ST7: variants seen among roughly 807,000 people sequenced by gnomAD.
The protein encoded by ST7 is suppressor of tumorigenicity 7 protein.
ST7 carries 28 observed loss-of-function variants against 78.7 expected under a neutral mutation model. That is an observed-to-expected ratio of 0.36 (90% confidence interval 0.26 to 0.49). ST7 has a LOEUF of 0.49. ST7 is among the 20% of genes least tolerant of loss of function. The pLI is 0.99. For missense variants in ST7, 418 were observed against 696.0 expected, an observed-to-expected ratio of 0.60 and a Z score of 4.49; for synonymous variants, 247 against 249.6, an observed-to-expected ratio of 0.99 and a Z score of 0.10.
At chr7:117,121,572 T>C (rs1015996217) in intron 3 of ST7, among the ~76,000 whole-genome samples, 1 of 152,172 alleles carries the variant, frequency 6.6e-6, no homozygotes, top group Admixed American at 6.5e-5. Context: ...TAATGTGGCT[T>C]TTTAAATTTC....
At chr7:117,152,070 G>T (rs1003145486) in intron 9 of ST7, among the ~76,000 whole-genome samples, 4 of 149,650 alleles carry the variant, frequency 2.7e-5, no homozygotes, top group Non-Finnish European at 5.9e-5. Context: ...AGTGAGCCGA[G>T]ATCATGCCAT....
intron 2 of ST7, among the ~76,000 whole-genome samples, chr7:117,114,757 A>G (rs1802722753): frequency 6.6e-6 from 1 of 152,210 alleles, no homozygotes; most frequent in East Asian, 1.9e-4. Context: ...TATGCAATTC[A>G]AAAGAAGAGG....
At chr7:117,002,872 G>GGA (rs1795002033) in intron 1 of ST7, among the ~76,000 whole-genome samples, 1 of 113,748 alleles carries the variant, frequency 8.8e-6, no homozygotes, top group African/African-American at 3.5e-5. Flanking sequence ...TGCCCAGGCT[G>GGA]GAGTGCAAGG....
At chr7:117,200,432 T>C (rs1810712162) in intron 12 of ST7, among the ~76,000 whole-genome samples, 1 of 152,110 alleles carries the variant, frequency 6.6e-6, no homozygotes, top group African/African-American at 2.4e-5. Flanking sequence ...TTCCTTAGCA[T>C]GTCCACGTGC....
chr7:117,117,903 G>A (rs907282636), intron 2 of ST7: 4 of 152,122 alleles, frequency 2.6e-5, no homozygotes, highest in African/African-American at 7.2e-5. Flanking sequence ...TAACTCACCT[G>A]GGGTTATAGA....
intron 1 of ST7, among the ~76,000 whole-genome samples, chr7:116,977,307 TG>T (rs1461348318): frequency 6.6e-6 from 1 of 152,218 alleles, no homozygotes; most frequent in Non-Finnish European, 1.5e-5. Context: ...GTGACTGTAC[TG>T]CAAAAAATGC....
intron 1 of ST7, among the ~76,000 whole-genome samples, chr7:116,998,854 G>A (rs1441600820): frequency 6.6e-6 from 1 of 152,186 alleles, no homozygotes; most frequent in African/African-American, 2.4e-5. Context: ...GTCAGGAAAG[G>A]CCTCTGTAAG....
chr7:116,973,071 C>G (rs1447188503), intron 1 of ST7, among the ~76,000 whole-genome samples: 3 of 151,900 alleles, frequency 2.0e-5, no homozygotes, highest in Admixed American at 6.6e-5. Context: ...TAATCCAATA[C>G]TACTTTATTT....
At chr7:117,065,264 A>G (rs1022342418) in intron 1 of ST7, among the ~76,000 whole-genome samples, 3 of 139,270 alleles carry the variant, frequency 2.2e-5, no homozygotes, top group African/African-American at 8.2e-5. Context: ...GCTGGAGTGC[A>G]GTGGCACGAT....
chr7:117,204,646 G>A (rs919171824), intron 12 of ST7, among the ~76,000 whole-genome samples: 1 of 152,082 alleles, frequency 6.6e-6, no homozygotes, highest in East Asian at 1.9e-4. Context: ...CAGACTATGT[G>A]GTGTCTCTCC....
At chr7:117,135,997 C>G in intron 7 of ST7, 84 bp from the exon 8 acceptor site, 3 of 1,494,902 alleles carry the variant, frequency 2.0e-6, no homozygotes, top group Non-Finnish European at 2.7e-6. Context: ...TGGCGTAACT[C>G]CTTGCCTTTC....
intron 1 of ST7, among the ~76,000 whole-genome samples, chr7:117,032,851 A>G (rs1796672683): frequency 6.6e-6 from 1 of 152,244 alleles, no homozygotes; most frequent in Non-Finnish European, 1.5e-5. Context: ...TGGATTATAG[A>G]TTCATCTATG....
At chr7:117,155,114 G>A (rs1806587947) in intron 9 of ST7, among the ~76,000 whole-genome samples, 1 of 152,134 alleles carries the variant, frequency 6.6e-6, no homozygotes, top group African/African-American at 2.4e-5. Context: ...GCCTAATTTA[G>A]ATAAGTGCTC....
intron 3 of ST7, among the ~76,000 whole-genome samples, chr7:117,125,646 A>T (rs1361867047): frequency 6.6e-6 from 1 of 152,126 alleles, no homozygotes; most frequent in Non-Finnish European, 1.5e-5. Flanking sequence ...TATCAAAGCT[A>T]ATAAACATAT....
At chr7:117,001,512 A>AGTAAG (rs2116447115) in intron 1 of ST7, among the ~76,000 whole-genome samples, 1 of 152,324 alleles carries the variant, frequency 6.6e-6, no homozygotes, top group African/African-American at 2.4e-5. Context: ...ACTAGTAGTT[A>AGTAAG]GTAAGGTGAT....
At chr7:117,052,290 C>G (rs1441434422) in intron 1 of ST7, among the ~76,000 whole-genome samples, 4 of 152,146 alleles carry the variant, frequency 2.6e-5, no homozygotes, top group Non-Finnish European at 4.4e-5. Flanking sequence ...TCCTCCAGGA[C>G]CTGTTGTACT....
chr7:117,214,154 C>A (rs2116089102), intron 13 of ST7, among the ~76,000 whole-genome samples: 1 of 152,272 alleles, frequency 6.6e-6, no homozygotes, highest in East Asian at 1.9e-4. Flanking sequence ...CGCCTGCCGA[C>A]CACAACTGTG....
intron 8 of ST7, among the ~76,000 whole-genome samples, chr7:117,137,738 G>C (rs574961187): frequency 6.6e-6 from 1 of 152,162 alleles, no homozygotes; most frequent in East Asian, 1.9e-4. Flanking sequence ...TTAAGCACAT[G>C]CATGTTCTCA....
chr7:117,156,722 A>G (rs1034244212), intron 9 of ST7, among the ~76,000 whole-genome samples: 1 of 152,206 alleles, frequency 6.6e-6, no homozygotes, highest in African/African-American at 2.4e-5. Flanking sequence ...AAAGTGTGTT[A>G]ACATGGGGGC....
Sources: gnomAD v4.1 joint callset for allele counts (sites outside exome capture counted in the v4.1 genomes callset) on GRCh38, gnomAD v4.1.1 for gene constraint, MANE v1.5 for transcripts, NCBI Gene and HGNC (gene_info 2026-07-23, HGNC 2026-07-21) for gene names.